The following GRIK1 variants were observed in gnomAD, a reference collection of about 807,000 sequenced individuals.
GRIK1 encodes the protein glutamate ionotropic receptor kainate type subunit 1.
A neutral mutation model predicts 105.7 loss-of-function variants in GRIK1; 69 were observed. The ratio of observed to expected loss-of-function variants is 0.65; its 90% CI spans 0.54 to 0.80. GRIK1 has a LOEUF of 0.80. GRIK1 is among the 30% of genes least tolerant of loss of function. GRIK1 has a pLI of 0.00. For synonymous variants in GRIK1, 438 were observed against 431.3 expected (o/e 1.02, Z -0.19); for missense variants, 1,109 against 1,167.3 (o/e 0.95, Z 0.73).
At position 29,596,532 on chromosome 21, in the gene GRIK1, C is replaced by A. The variant is rs769686738; in HGVS notation, c.1245G>T (p.Trp415Cys). ...GEVSKHLYKV[W>C]KKIGIWNSNS... ...TTGTTGTCAGAGTACAAACCTTCTT[C>A]CACACTTTATACAAGTGTTTAGACA... The change falls in exon 9 of 18, where the codon TGG becomes TGT. Residue 415 changes from tryptophan to cysteine, a missense_variant. By Grantham distance (215) the Trp-to-Cys change is radical (BLOSUM62 -2). Around this residue, in one of 5 missense-constraint regions of GRIK1, gnomAD observed 612 missense variants for 586.0 expected, o/e 1.04. Transcript: ENST00000327783. 17 of 1,606,894 alleles carry A rather than the reference C, an allele frequency of 1.1e-5. No homozygotes were observed. In the South Asian group the frequency reaches 1.8e-4, roughly 17 times the overall value.
intron 16 of GRIK1, among the ~76,000 whole-genome samples, chr21:29,543,883 C>T (rs982458815): frequency 1.3e-5 from 2 of 152,190 alleles, no homozygotes; most frequent in African/African-American, 4.8e-5. Flanking sequence ...AAATGACTCT[C>T]GAAAGCCCCT....
chr21:29,854,276 T>A lies in GRIK1; in HGVS notation c.118+85107A>T, dbSNP rs12483490. 8.0e-3 allele frequency among the ~76,000 whole-genome samples: 1,214 copies of A among 152,244 alleles called. 10 individuals carry two copies. Among genetic ancestry groups the A allele is most frequent in the Middle Eastern group, 0.044 (13 of 294 alleles). ...CACATAAACTAATAGAGCAAGAATG[T>A]ACTCTTTGCTTTGGTGATAGCACCA... On this transcript the variant is annotated intron_variant, in intron 1 of 17. Transcript: ENST00000327783.
At chr21:29,682,432 G>A (rs1249037561) in intron 3 of GRIK1, among the ~76,000 whole-genome samples, 2 of 152,148 alleles carry the variant, frequency 1.3e-5, no homozygotes, top group Non-Finnish European at 2.9e-5. Context: ...TTTTAGAACA[G>A]GAAAGTTCCT....
chr21:29,868,958 C>T (rs952430398), intron 1 of GRIK1, among the ~76,000 whole-genome samples: 13 of 152,080 alleles, frequency 8.5e-5, no homozygotes, highest in African/African-American at 3.1e-4. Context: ...TCCATAAAAT[C>T]AAATTTAAAA....
At chr21:29,701,852 T>C (rs558524407) in intron 1 of GRIK1, among the ~76,000 whole-genome samples, 1 of 152,306 alleles carries the variant, frequency 6.6e-6, no homozygotes, top group Non-Finnish European at 1.5e-5. Flanking sequence ...TCTGAAGGAC[T>C]TCGGCAGGAT....
chr21:29,701,482 G>C (rs2063811787), intron 1 of GRIK1, among the ~76,000 whole-genome samples: 1 of 152,216 alleles, frequency 6.6e-6, no homozygotes, highest in Admixed American at 6.5e-5. Flanking sequence ...GGCTTGGACT[G>C]GTAGAAGACG....
intron 1 of GRIK1, among the ~76,000 whole-genome samples, chr21:29,800,316 C>T (rs891038381): frequency 6.6e-6 from 1 of 152,126 alleles, no homozygotes; most frequent in Non-Finnish European, 1.5e-5. Flanking sequence ...AGTGATTTTA[C>T]AAATCGAAAG....
chr21:29,745,833 G>C (rs1465702233), intron 1 of GRIK1, among the ~76,000 whole-genome samples: 1 of 152,220 alleles, frequency 6.6e-6, no homozygotes, highest in Non-Finnish European at 1.5e-5. Context: ...TCCGGGCATG[G>C]TGGCTCATGC....
chr21:29,615,853 C>T lies in GRIK1; in HGVS notation c.1099-16916G>A, dbSNP rs138230406. Among the ~76,000 whole-genome samples, 402 of 152,290 alleles carry T rather than the reference C, an allele frequency of 2.6e-3. 3 individuals carry two copies. Among genetic ancestry groups the T allele is most frequent in the African/African-American group, 9.2e-3 (383 of 41,562 alleles). The stretch of plus-strand genomic sequence containing the variant: ...CTCATTTTGCCCAACCTCAGTCTCC[C>T]GTAACTTTGGATTTCCTGCAAGTAA... On this transcript the variant is annotated intron_variant, in intron 7 of 17. Transcript: ENST00000327783.
At chr21:29,752,033 T>G (rs1406317751) in intron 1 of GRIK1, among the ~76,000 whole-genome samples, 1 of 152,230 alleles carries the variant, frequency 6.6e-6, no homozygotes, top group Non-Finnish European at 1.5e-5. Flanking sequence ...TGCTAAGCCT[T>G]TTTAGTACTG....
chr21:29,617,277 G>A (rs913631760), intron 7 of GRIK1, among the ~76,000 whole-genome samples: 1 of 152,070 alleles, frequency 6.6e-6, no homozygotes, highest in Non-Finnish European at 1.5e-5. Flanking sequence ...GTTCTTTTAC[G>A]GTGTTAAGCC....
intron 7 of GRIK1, among the ~76,000 whole-genome samples, chr21:29,633,392 G>A (rs1206910300): frequency 2.0e-5 from 3 of 152,164 alleles, no homozygotes; most frequent in Admixed American, 6.5e-5. Flanking sequence ...CCAGCTGCTC[G>A]GAGGCTGAGG....
intron 4 of GRIK1, among the ~76,000 whole-genome samples, chr21:29,671,427 A>G (rs1347817558): frequency 6.7e-6 from 1 of 149,622 alleles, no homozygotes; most frequent in African/African-American, 2.5e-5. Flanking sequence ...TTTTTACTCT[A>G]ATCATCCAGC....
chr21:29,559,376 C>T (rs1438031476), intron 15 of GRIK1, among the ~76,000 whole-genome samples: 3 of 152,146 alleles, frequency 2.0e-5, no homozygotes, highest in South Asian at 4.1e-4. Flanking sequence ...TCCTGTTAGC[C>T]AGTGCCAAAT....
At chr21:29,718,102 A>T (rs1181649852) in intron 1 of GRIK1, among the ~76,000 whole-genome samples, 1 of 152,126 alleles carries the variant, frequency 6.6e-6, no homozygotes, top group African/African-American at 2.4e-5. Context: ...CATAATTGTA[A>T]GTTTCCTGAG....
At chr21:29,783,380 A>C (rs748251214) in intron 1 of GRIK1, among the ~76,000 whole-genome samples, 1 of 152,112 alleles carries the variant, frequency 6.6e-6, no homozygotes, top group Non-Finnish European at 1.5e-5. Context: ...TTTGTCTGTC[A>C]TATATTTTGC....
chr21:29,783,293 T>C (rs779001366), intron 1 of GRIK1, among the ~76,000 whole-genome samples: 1 of 152,202 alleles, frequency 6.6e-6, no homozygotes, highest in African/African-American at 2.4e-5. Flanking sequence ...AATAGTACCA[T>C]TGATGTGGAT....
At chr21:29,622,082 G>A (rs2062018714) in intron 7 of GRIK1, among the ~76,000 whole-genome samples, 1 of 151,970 alleles carries the variant, frequency 6.6e-6, no homozygotes, top group Non-Finnish European at 1.5e-5. Context: ...GAGTAGCTGG[G>A]ATTACAGGTG....
At chr21:29,840,878 A>G (rs1601826160) in intron 1 of GRIK1, among the ~76,000 whole-genome samples, 1 of 152,220 alleles carries the variant, frequency 6.6e-6, no homozygotes, top group East Asian at 1.9e-4. Context: ...TACACACAAC[A>G]GCTGGGAAAA....
Sources: allele counts gnomAD v4.1 joint callset (sites outside exome capture counted in the v4.1 genomes callset), GRCh38; gene constraint gnomAD v4.1.1; regional missense constraint gnomAD v4.1.1; transcripts MANE v1.5; gene names NCBI Gene and HGNC (gene_info 2026-07-23, HGNC 2026-07-21).